Variants in CCDC148 observed in about 807,000 individuals in gnomAD.
CCDC148 encodes coiled-coil domain containing 148.
A neutral mutation model predicts 85.7 loss-of-function variants in CCDC148; 89 were observed. The ratio of observed to expected loss-of-function variants is 1.04; its 90% confidence interval spans 0.87 to 1.24. CCDC148 has a LOEUF of 1.24. CCDC148 is among the 50% of genes most tolerant of loss of function. The probability of loss-of-function intolerance (pLI) is 0.00; values close to 1 mark genes in which losing one functional copy is unlikely to be tolerated. For missense variants in CCDC148, 692 were observed against 671.7 expected (o/e 1.03, Z -0.33); for synonymous variants, 230 against 213.9 (o/e 1.08, Z -0.66).
intron 1 of CCDC148, among the ~76,000 whole-genome samples, chr2:158,380,466 G>A (rs1422331062): frequency 2.0e-5 from 3 of 152,122 alleles, no homozygotes; most frequent in Admixed American, 6.6e-5. Flanking sequence ...CTGAATTCCA[G>A]GTCCACCACT....
At chr2:158,437,049 G>A (rs939792054) in intron 1 of CCDC148, among the ~76,000 whole-genome samples, 1 of 152,108 alleles carries the variant, frequency 6.6e-6, no homozygotes, top group Non-Finnish European at 1.5e-5. Flanking sequence ...AGCAGAGGTA[G>A]AATGAGGAGC....
chr2:158,291,248 C>T (rs1200697273), intron 9 of CCDC148, among the ~76,000 whole-genome samples: 1 of 152,148 alleles, frequency 6.6e-6, no homozygotes, highest in Admixed American at 6.5e-5. Context: ...CCACGGTCCC[C>T]AGGTCCCAGG....
chr2:158,354,913 G>A (rs965312332), intron 2 of CCDC148, among the ~76,000 whole-genome samples: 16 of 151,800 alleles, frequency 1.1e-4, no homozygotes, highest in African/African-American at 3.6e-4. Flanking sequence ...GGGATGCAAG[G>A]CTGGTTCAAT....
chr2:158,182,731 T>C (rs1244658251), intron 11 of CCDC148, among the ~76,000 whole-genome samples: 7 of 152,112 alleles, frequency 4.6e-5, no homozygotes, highest in Non-Finnish European at 2.9e-5. Flanking sequence ...ACAGATGCTA[T>C]GGTTTAAACT....
chr2:158,417,811 C>T (rs1014647012), intron 1 of CCDC148, among the ~76,000 whole-genome samples: 1 of 152,076 alleles, frequency 6.6e-6, no homozygotes, highest in East Asian at 1.9e-4. Context: ...ATTAGTGGAA[C>T]CCTGAAGTTC....
intron 9 of CCDC148, among the ~76,000 whole-genome samples, chr2:158,263,745 C>T (rs946483743): frequency 2.0e-5 from 3 of 151,956 alleles, no homozygotes; most frequent in African/African-American, 7.2e-5. Context: ...ATATCTAGTA[C>T]ATTTACCTAA....
intron 1 of CCDC148, among the ~76,000 whole-genome samples, chr2:158,412,862 AT>A: frequency 1.5e-5 from 2 of 132,202 alleles, no homozygotes; most frequent in African/African-American, 5.7e-5. Context: ...TATTATTATT[AT>A]TATTATACTT....
intron 1 of CCDC148, among the ~76,000 whole-genome samples, chr2:158,383,293 C>A (rs1054421835): frequency 2.0e-5 from 3 of 150,642 alleles, no homozygotes; most frequent in Non-Finnish European, 4.4e-5. Flanking sequence ...CTCAAGCCTG[C>A]GTGACAGAGA....
intron 1 of CCDC148, among the ~76,000 whole-genome samples, chr2:158,438,590 A>G (rs1453921580): frequency 6.6e-6 from 1 of 152,198 alleles, no homozygotes; most frequent in Non-Finnish European, 1.5e-5. Flanking sequence ...CCAAAACACC[A>G]AAAGCAATGG....
intron 5 of CCDC148, among the ~76,000 whole-genome samples, chr2:158,339,539 C>T (rs1574649895): frequency 6.6e-6 from 1 of 152,050 alleles, no homozygotes; most frequent in Non-Finnish European, 1.5e-5. Context: ...CACACCTATA[C>T]TCAAGAAGTT....
At chr2:158,280,224 G>T (rs534006622) in intron 9 of CCDC148, among the ~76,000 whole-genome samples, 1 of 152,100 alleles carries the variant, frequency 6.6e-6, no homozygotes, top group South Asian at 2.1e-4. Flanking sequence ...TCAACTAATG[G>T]GTGAAATAAC....
chr2:158,276,757 G>A (rs568812239), intron 9 of CCDC148, among the ~76,000 whole-genome samples: 7 of 152,192 alleles, frequency 4.6e-5, no homozygotes, highest in South Asian at 2.1e-4. Flanking sequence ...CATTTGATAC[G>A]GTCCTTTATA....
intron 10 of CCDC148, among the ~76,000 whole-genome samples, chr2:158,242,227 C>T (rs556749648): frequency 2.6e-5 from 4 of 152,248 alleles, no homozygotes; most frequent in East Asian, 3.9e-4. Flanking sequence ...AGCATTAAAA[C>T]CACTGCCTCT....
intron 9 of CCDC148, among the ~76,000 whole-genome samples, chr2:158,292,379 A>C (rs1030916514): frequency 1.3e-5 from 2 of 152,244 alleles, no homozygotes; most frequent in East Asian, 1.9e-4. Flanking sequence ...TGAATACTGC[A>C]GATATCAAAA....
intron 1 of CCDC148, among the ~76,000 whole-genome samples, chr2:158,412,305 T>G (rs1053684502): frequency 2.0e-5 from 3 of 152,188 alleles, no homozygotes; most frequent in African/African-American, 7.2e-5. Flanking sequence ...TAAATTGTAC[T>G]CTAAAGCTCT....
chr2:158,442,216 T>C (rs2105343520), intron 1 of CCDC148, among the ~76,000 whole-genome samples: 1 of 152,320 alleles, frequency 6.6e-6, no homozygotes, highest in African/African-American at 2.4e-5. Context: ...TAAATCTATT[T>C]TGCGGTTTGA....
At chr2:158,439,226 C>A (rs1687819363) in intron 1 of CCDC148, among the ~76,000 whole-genome samples, 1 of 152,110 alleles carries the variant, frequency 6.6e-6, no homozygotes, top group Non-Finnish European at 1.5e-5. Flanking sequence ...GGTACCAACC[C>A]AAATGTCCAA....
chr2:158,226,354 A>G (rs987954188), intron 10 of CCDC148, among the ~76,000 whole-genome samples: 2 of 152,206 alleles, frequency 1.3e-5, no homozygotes, highest in African/African-American at 4.8e-5. Flanking sequence ...AGATGGATTC[A>G]CAGCCATATT....
intron 9 of CCDC148, among the ~76,000 whole-genome samples, chr2:158,297,612 C>T (rs921615661): frequency 6.6e-6 from 1 of 152,154 alleles, no homozygotes; most frequent in Admixed American, 6.5e-5. Flanking sequence ...TTTAGTTGCA[C>T]ACAGCAGAAT....
Sources: gnomAD v4.1 joint callset for allele counts (sites outside exome capture counted in the v4.1 genomes callset) on GRCh38, gnomAD v4.1.1 for gene constraint, MANE v1.5 for transcripts, NCBI Gene and HGNC (gene_info 2026-07-23, HGNC 2026-07-21) for gene names.